Variants in LCLAT1 observed in about 807,000 individuals in gnomAD.
LCLAT1 encodes 1-AGP acyltransferase 8.
LCLAT1 carries 11 observed loss-of-function variants against 30.7 expected under a neutral mutation model. The ratio of observed to expected loss-of-function variants is 0.36; its 90% CI spans 0.23 to 0.59. The LOEUF (loss-of-function observed/expected upper bound fraction) is 0.59, where lower values mean the gene tolerates loss of function less well. LCLAT1 is among the 20% of genes least tolerant of loss of function. The pLI, the probability that LCLAT1 is intolerant of heterozygous loss-of-function variation, is 0.77. For missense variants in LCLAT1, 402 were observed against 458.6 expected, an observed-to-expected ratio of 0.88 and a Z score of 1.13; for synonymous variants, 155 against 151.3, an observed-to-expected ratio of 1.02 and a Z score of -0.18.
intron 5 of LCLAT1, among the ~76,000 whole-genome samples, chr2:30,568,582 A>T (rs1665619246): frequency 7.3e-6 from 1 of 137,394 alleles, no homozygotes. Context: ...ATCTCGGCTC[A>T]CTGCAAGCTC....
chr2:30,632,287 A>C (rs1471594786), intron 5 of LCLAT1, among the ~76,000 whole-genome samples: 1 of 152,216 alleles, frequency 6.6e-6, no homozygotes, highest in Non-Finnish European at 1.5e-5. Flanking sequence ...AAACAACAAC[A>C]ACAAAAGATG....
intron 5 of LCLAT1, among the ~76,000 whole-genome samples, chr2:30,633,789 T>TA (rs1201773892): frequency 6.6e-6 from 1 of 152,188 alleles, no homozygotes; most frequent in Non-Finnish European, 1.5e-5. Context: ...ATCACTGAGT[T>TA]AAAAAAATTG....
intron 5 of LCLAT1, among the ~76,000 whole-genome samples, chr2:30,586,405 G>T (rs960259133): frequency 6.6e-6 from 1 of 152,152 alleles, no homozygotes; most frequent in African/African-American, 2.4e-5. Context: ...GGCATTCCTT[G>T]ATTTATGGCA....
intron 5 of LCLAT1, among the ~76,000 whole-genome samples, chr2:30,602,981 T>C (rs979267042): frequency 2.0e-5 from 3 of 152,214 alleles, no homozygotes; most frequent in African/African-American, 7.2e-5. Context: ...TGAGTTAGAA[T>C]CATAATTCCA....
intron 5 of LCLAT1, among the ~76,000 whole-genome samples, chr2:30,569,361 C>T (rs934354807): frequency 6.6e-6 from 1 of 152,160 alleles, no homozygotes; most frequent in Non-Finnish European, 1.5e-5. Context: ...ACAAATAACA[C>T]ATATATGAAG....
intron 2 of LCLAT1, among the ~76,000 whole-genome samples, chr2:30,527,313 A>C (rs1214433987): frequency 6.6e-6 from 1 of 152,250 alleles, no homozygotes; most frequent in Non-Finnish European, 1.5e-5. Context: ...AGAATTGTAT[A>C]TCTGATTGTA....
chr2:30,641,708 CTTTCT>C lies in LCLAT1; in HGVS notation c.*1093_*1097del, dbSNP rs1242523989. On this transcript the variant is annotated 3_prime_UTR_variant, in exon 6 of 6. Coordinates refer to ENST00000379509, the MANE Select transcript of LCLAT1 (RefSeq NM_001002257.3). ...ATCCTTAATAATGATAGCAAGTGATCTTTCTTTTTAGTTTTAGCCTTCCTTTTTCA... is the reference window on the plus strand; with the variant it reads ...ATCCTTAATAATGATAGCAAGTGATCTTTTAGTTTTAGCCTTCCTTTTTCA... The C allele has an allele frequency of 1.3e-5, 2 of 151,860 alleles. No homozygotes were observed. The highest frequency in any genetic ancestry group is 2.9e-5 in the Non-Finnish European group (2 of 68,016). The allele number at this position is 151,860 out of a possible 1,614,324, so 9.4% of individuals were successfully genotyped here.
chr2:30,523,800 A>G (rs1418048850), intron 1 of LCLAT1, among the ~76,000 whole-genome samples: 1 of 152,188 alleles, frequency 6.6e-6, no homozygotes, highest in African/African-American at 2.4e-5. Flanking sequence ...CCCGGGAGGC[A>G]GAGCTTGCAG....
chr2:30,545,758 A>G (rs888551231), intron 3 of LCLAT1, among the ~76,000 whole-genome samples: 4 of 152,198 alleles, frequency 2.6e-5, no homozygotes, highest in Non-Finnish European at 4.4e-5. Context: ...AACTTAAAAC[A>G]GTCATAAAAA....
chr2:30,496,500 A>G (rs999387546), intron 1 of LCLAT1, among the ~76,000 whole-genome samples: 4 of 152,158 alleles, frequency 2.6e-5, no homozygotes, highest in Admixed American at 2.0e-4. Flanking sequence ...AGGCTCAGAG[A>G]TATCTCCAGT....
chr2:30,486,847 C>T (rs1683583402), intron 1 of LCLAT1, among the ~76,000 whole-genome samples: 1 of 152,110 alleles, frequency 6.6e-6, no homozygotes, highest in Non-Finnish European at 1.5e-5. Context: ...GAGAATTGCC[C>T]CACCAATGTG....
At chr2:30,628,801 G>A (rs887681802) in intron 5 of LCLAT1, among the ~76,000 whole-genome samples, 7 of 152,172 alleles carry the variant, frequency 4.6e-5, no homozygotes, top group Admixed American at 1.3e-4. Flanking sequence ...AGAAAAAAAC[G>A]TATTTCATCT....
At chr2:30,479,924 C>A (rs1683243051) in intron 1 of LCLAT1, among the ~76,000 whole-genome samples, 1 of 152,200 alleles carries the variant, frequency 6.6e-6, no homozygotes, top group South Asian at 2.1e-4. Flanking sequence ...AACTCATTGA[C>A]CTCTTTGCCT....
Position 30,611,371 on chromosome 2 carries a change from A to T in LCLAT1, c.629-28746A>T, listed in dbSNP as rs532881666. ...TTTTAGGAAATCCCAGAGAACAGAG[A>T]GTGTGTGTGTATACACTCACACTTT... is the stretch of plus-strand genomic sequence containing the variant. On this transcript the variant is annotated intron_variant, in intron 5 of 5. Coordinates refer to ENST00000379509, the MANE Select transcript of LCLAT1 (RefSeq NM_001002257.3). Among the ~76,000 whole-genome samples, 8 of 152,188 alleles carry T rather than the reference A, an allele frequency of 5.3e-5. No homozygotes were observed. The South Asian group carries it at 1.7e-3, about 32-fold the overall frequency.
At chr2:30,469,923 G>A (rs553306315) in intron 1 of LCLAT1, among the ~76,000 whole-genome samples, 16 of 152,180 alleles carry the variant, frequency 1.1e-4, no homozygotes, top group South Asian at 4.1e-4. Flanking sequence ...TAGAGATGGC[G>A]TTTCGCTGTG....
intron 1 of LCLAT1, among the ~76,000 whole-genome samples, chr2:30,448,269 TTTG>T (rs2148246708): frequency 6.6e-6 from 1 of 152,372 alleles, no homozygotes; most frequent in Admixed American, 6.5e-5. Context: ...CATTAACTTA[TTTG>T]TTCAAAGAAA....
intron 4 of LCLAT1, 26 bp from the exon 5 acceptor site, chr2:30,568,034 T>C: frequency 8.3e-7 from 1 of 1,203,224 alleles, no homozygotes; most frequent in Non-Finnish European, 1.2e-6. Flanking sequence ...AGTTTATGAT[T>C]TATAATGGTC....
chr2:30,578,112 T>C (rs1666071211), intron 5 of LCLAT1, among the ~76,000 whole-genome samples: 1 of 152,144 alleles, frequency 6.6e-6, no homozygotes, highest in South Asian at 2.1e-4. Flanking sequence ...CCACTTTCTT[T>C]GAAGTGACAG....
chr2:30,618,346 T>C (rs1668090169), intron 5 of LCLAT1, among the ~76,000 whole-genome samples: 1 of 152,186 alleles, frequency 6.6e-6, no homozygotes, highest in Non-Finnish European at 1.5e-5. Context: ...TGTAGAGCAT[T>C]TTAGAGAAAT....
Sources: allele counts gnomAD v4.1 joint callset (sites outside exome capture counted in the v4.1 genomes callset), GRCh38; gene constraint gnomAD v4.1.1; transcripts MANE v1.5; gene names NCBI Gene and HGNC (gene_info 2026-07-23, HGNC 2026-07-21).